SGCE: variants seen among roughly 807,000 people sequenced by gnomAD.
SGCE encodes epsilon-sarcoglycan.
A neutral mutation model predicts 57.8 loss-of-function variants in SGCE; 26 were observed. That is an observed-to-expected ratio of 0.45 (90% confidence interval 0.33 to 0.62). The LOEUF is 0.62. SGCE is among the 20% of genes least tolerant of loss of function. SGCE has a pLI of 0.02. For missense variants in SGCE, 468 were observed against 548.6 expected (o/e 0.85, Z 1.47); for synonymous variants, 183 against 189.5 (o/e 0.97, Z 0.28).
At chr7:94,612,697 AACT>A (rs1168991159) in intron 5 of SGCE, among the ~76,000 whole-genome samples, 1 of 152,178 alleles carries the variant, frequency 6.6e-6, no homozygotes, top group African/African-American at 2.4e-5. Flanking sequence ...CATACTGCCA[AACT>A]ACTTTCATCT....
chr7:94,654,611 C>T (rs1808333803), intron 1 of SGCE, among the ~76,000 whole-genome samples: 1 of 151,450 alleles, frequency 6.6e-6, no homozygotes, highest in Non-Finnish European at 1.5e-5. Flanking sequence ...TTCATTCATT[C>T]ATATTCCGGA....
chr7:94,631,666 G>A (rs1318097237), intron 1 of SGCE, among the ~76,000 whole-genome samples: 2 of 151,868 alleles, frequency 1.3e-5, no homozygotes, highest in Non-Finnish European at 2.9e-5. Context: ...TCGGGGAAGG[G>A]AATTAAGTCA....
intron 1 of SGCE, chr7:94,639,218 T>C: frequency 1.7e-6 from 1 of 604,718 alleles, no homozygotes; most frequent in South Asian, 2.6e-5. Context: ...AAAATTTTAG[T>C]TTTTCAGACT....
At chr7:94,622,702 G>C (rs1366334299) in intron 4 of SGCE, 1 of 151,658 alleles carries the variant, frequency 6.6e-6, no homozygotes, top group African/African-American at 2.4e-5. Flanking sequence ...ATATTTGAGA[G>C]TGTAATTCTG....
intron 3 of SGCE, chr7:94,623,772 G>A (rs564147837): frequency 1.1e-3 from 435 of 389,162 alleles, no homozygotes; most frequent in Non-Finnish European, 1.6e-3. Context: ...CTTTTAAATG[G>A]AGTTTAAGAA....
In SGCE at chr7:94,599,711, G is replaced by A; in HGVS notation, c.1050C>T (p.Asn350=). ...AAGACACTTACTCTGGTGTTTGCAT[G>A]TTTCTCTTTTCCCTAGAAACAAAAC... is the stretch of plus-strand genomic sequence containing the variant. ...CCRREGVEKR[N]MQTPDIQLVH... Residue 350 remains asparagine, a synonymous_variant, in exon 8 of 11, where the codon AAC becomes AAT. Transcript: ENST00000648936. The A allele has an allele frequency of 6.2e-7, 1 of 1,608,506 alleles. No homozygotes were observed. Among genetic ancestry groups the A allele is most frequent in the Non-Finnish European group, 8.5e-7 (1 of 1,175,264 alleles).
At chr7:94,603,246 A>G in intron 6 of SGCE, 44 bp downstream of exon 6, 1 of 1,504,524 alleles carries the variant, frequency 6.6e-7, no homozygotes, top group Non-Finnish European at 9.2e-7. Flanking sequence ...AACTCCAGCC[A>G]CATTATTTTT....
At chr7:94,605,158 A>G (rs772926860) in intron 5 of SGCE, among the ~76,000 whole-genome samples, 1 of 152,122 alleles carries the variant, frequency 6.6e-6, no homozygotes, top group Admixed American at 6.5e-5. Context: ...CTGAACAAGC[A>G]TCACACCGGA....
At chr7:94,609,573 C>G (rs1232262366) in intron 5 of SGCE, among the ~76,000 whole-genome samples, 6 of 152,154 alleles carry the variant, frequency 3.9e-5, no homozygotes, top group Non-Finnish European at 8.8e-5. Context: ...TAACAGACAC[C>G]TCACCATAGA....
chr7:94,652,127 A>G (rs1807980693), intron 1 of SGCE, among the ~76,000 whole-genome samples: 1 of 152,122 alleles, frequency 6.6e-6, no homozygotes, highest in African/African-American at 2.4e-5. Context: ...GATAGAAAGA[A>G]AACAGCCATC....
At chr7:94,641,799 T>C (rs1466681691) in intron 1 of SGCE, among the ~76,000 whole-genome samples, 1 of 152,074 alleles carries the variant, frequency 6.6e-6, no homozygotes, top group Non-Finnish European at 1.5e-5. Context: ...TTATTATTAT[T>C]ATTAGTAGTA....
chr7:94,611,686 A>C (rs540550845), intron 5 of SGCE, among the ~76,000 whole-genome samples: 25 of 152,156 alleles, frequency 1.6e-4, no homozygotes, highest in Non-Finnish European at 3.1e-4. Flanking sequence ...ATTTTTTTAA[A>C]ATGAAATGAA....
rs1799562586 is a variant in SGCE, at chr7:94,603,309, T to G, written c.806A>C (p.Asp269Ala). ...ACTTACCAATGAAATTTTGCACCAG[T>G]CAATGTAAAATTGAGTACGAAATTT... ...DKKFRTQFYI[D>A]WCKISLVDKT... Residue 269 changes from aspartate (D) to alanine (A), a missense_variant, in exon 6 of 11, where the codon GAC (aspartate) becomes GCC (alanine). Asp to Ala is a moderately radical substitution (Grantham distance 126). Transcript: ENST00000648936. 6.2e-7 allele frequency: 1 copy of G among 1,612,302 alleles called. No individual in the cohort carries two copies. The highest frequency in any genetic ancestry group is 8.5e-7 in the Non-Finnish European group (1 of 1,178,928).
chr7:94,617,666 C>G (rs966626427), intron 5 of SGCE: 1 of 152,204 alleles, frequency 6.6e-6, no homozygotes, highest in African/African-American at 2.4e-5. Flanking sequence ...AACCATTTTC[C>G]TCAAAGGACT....
At position 94,623,341 on chromosome 7, in the gene SGCE, A is replaced by G; in HGVS notation, c.447T>C (p.Asn149=). ...FETARHNLII[N]IMSAEDFPLP... is the part of the protein sequence containing the mutation. Reference sequence around the variant, plus strand: ...CATACCTACCTTCTGCAGACATTATATTAATTATCAAATTATGCCTTGCAG... The same window carrying G: ...CATACCTACCTTCTGCAGACATTATGTTAATTATCAAATTATGCCTTGCAG... The change falls in exon 4 of 11, where the codon AAT becomes AAC. Residue 149 remains asparagine, a synonymous_variant. Coordinates refer to ENST00000648936, the MANE Select transcript of SGCE (RefSeq NM_003919.3). 2 of 1,596,918 alleles carry G rather than the reference A, an allele frequency of 1.3e-6. No homozygotes were observed. The highest frequency in any genetic ancestry group is 1.1e-5 in the South Asian group (1 of 89,922).
intron 8 of SGCE, chr7:94,599,474 TAG>T (rs1726758198): frequency 3.7e-6 from 2 of 537,362 alleles, no homozygotes; most frequent in South Asian, 5.5e-5. Flanking sequence ...TGAAATATTT[TAG>T]GTTTAATTTT....
At chr7:94,623,907 G>A (rs1049841468) in intron 3 of SGCE, 5 of 360,880 alleles carry the variant, frequency 1.4e-5, no homozygotes, top group Non-Finnish European at 2.5e-5. Context: ...TCTCACTTAC[G>A]ATGGGAGTAA....
chr7:94,589,819 G>A (rs1797426872), intron 9 of SGCE: 1 of 181,878 alleles, frequency 5.5e-6, no homozygotes, highest in African/African-American at 2.4e-5. Context: ...TCTACATTAT[G>A]GTGAGTTATA....
At chr7:94,588,042 C>T in intron 10 of SGCE, 1 of 1,369,654 alleles carries the variant, frequency 7.3e-7, no homozygotes, top group Middle Eastern at 2.3e-4. Context: ...AACTAGGAAT[C>T]AACCACTAAT....
Sources: gnomAD v4.1 joint callset for allele counts (sites outside exome capture counted in the v4.1 genomes callset) on GRCh38, gnomAD v4.1.1 for gene constraint, MANE v1.5 for transcripts, NCBI Gene and HGNC (gene_info 2026-07-23, HGNC 2026-07-21) for gene names.